Variants in ERC1 observed in about 807,000 individuals in gnomAD.
The protein encoded by ERC1 is RAB6 interacting protein 2.
ERC1 carries 56 observed loss-of-function variants against 132.0 expected under a neutral mutation model. The observed-to-expected ratio is 0.42, with a 90% CI of 0.34 to 0.53. The LOEUF is 0.53. ERC1 is among the 20% of genes least tolerant of loss of function. The pLI is 0.03. For missense variants in ERC1, 1,202 were observed against 1,349.9 expected (o/e 0.89, Z 1.72); for synonymous variants, 478 against 476.1 (o/e 1.00, Z -0.05).
intron 12 of ERC1, among the ~76,000 whole-genome samples, chr12:1,190,777 T>C (rs1179852590): frequency 6.6e-6 from 1 of 152,146 alleles, no homozygotes; most frequent in Non-Finnish European, 1.5e-5. Flanking sequence ...CAGAAACAAC[T>C]CTGCCGGTAG....
upstream of ERC1, chr12:990,598 G>T (rs544264147): frequency 4.1e-4 from 63 of 152,358 alleles, no homozygotes; most frequent in African/African-American, 1.4e-3. Context: ...GGTCCTCGGC[G>T]ATGCCCGTGT....
intron 18 of ERC1, among the ~76,000 whole-genome samples, chr12:1,485,871 A>T (rs2094207543): frequency 6.6e-6 from 1 of 152,242 alleles, no homozygotes; most frequent in Non-Finnish European, 1.5e-5. Flanking sequence ...TCCCAAGATT[A>T]TAAAAAATAT....
intron 12 of ERC1, among the ~76,000 whole-genome samples, chr12:1,201,578 G>T (rs1956919881): frequency 6.6e-6 from 1 of 152,072 alleles, no homozygotes; most frequent in Non-Finnish European, 1.5e-5. Flanking sequence ...CATCTCCTTG[G>T]CAAAATGGGC....
intron 2 of ERC1, among the ~76,000 whole-genome samples, chr12:1,031,550 C>G (rs1199773773): frequency 6.6e-6 from 1 of 152,140 alleles, no homozygotes; most frequent in Non-Finnish European, 1.5e-5. Context: ...AATCAGATTT[C>G]TAAGTAATTA....
At chr12:1,478,105 A>C (rs1042010790) in intron 18 of ERC1, among the ~76,000 whole-genome samples, 3 of 152,174 alleles carry the variant, frequency 2.0e-5, no homozygotes, top group African/African-American at 7.2e-5. Context: ...CTTGGCATTC[A>C]ACTTTAGTAG....
chr12:1,225,546 C>G (rs1327980128), intron 12 of ERC1, among the ~76,000 whole-genome samples: 1 of 151,442 alleles, frequency 6.6e-6, no homozygotes, highest in Non-Finnish European at 1.5e-5. Flanking sequence ...ATTGTTTTTT[C>G]TGAAACACGA....
intron 13 of ERC1, among the ~76,000 whole-genome samples, chr12:1,256,265 C>T (rs910996268): frequency 2.1e-5 from 3 of 140,314 alleles, no homozygotes; most frequent in Non-Finnish European, 4.5e-5. Context: ...TAAAATTAGA[C>T]TCTGTTTTTG....
intron 12 of ERC1, among the ~76,000 whole-genome samples, chr12:1,203,231 T>C (rs1957073905): frequency 6.6e-6 from 1 of 152,184 alleles, no homozygotes; most frequent in Non-Finnish European, 1.5e-5. Flanking sequence ...CTAATTTTTG[T>C]ATTTTTAGTA....
At chr12:1,140,331 C>T (rs1159377082) in intron 7 of ERC1, among the ~76,000 whole-genome samples, 1 of 152,170 alleles carries the variant, frequency 6.6e-6, no homozygotes, top group Non-Finnish European at 1.5e-5. Context: ...AGTTTAGATA[C>T]ACTACACATT....
rs889217100 is a variant in ERC1 at position 1,450,597 on chromosome 12, G to A, written c.3213+5847G>A. Reference sequence around the variant, plus strand: ...TTTAGCTCTCATGAATAGTGCTACCGTGAACACGGGTGTATAAATACCTTT... The same window carrying A: ...TTTAGCTCTCATGAATAGTGCTACCATGAACACGGGTGTATAAATACCTTT... On this transcript the variant is annotated intron_variant, in intron 18 of 18. Transcript: ENST00000360905. Among the ~76,000 whole-genome samples the A allele has an allele frequency of 3.9e-4, 59 of 152,156 alleles. 1 individual carries two copies. Among genetic ancestry groups the A allele is most frequent in the Non-Finnish European group, 7.3e-5 (5 of 68,036 alleles).
At chr12:1,323,423 G>A (rs2082246405) in intron 15 of ERC1, among the ~76,000 whole-genome samples, 1 of 152,088 alleles carries the variant, frequency 6.6e-6, no homozygotes. Flanking sequence ...GGGCACTTCT[G>A]TACACATGTG....
intron 14 of ERC1, among the ~76,000 whole-genome samples, chr12:1,288,861 A>C (rs2079213570): frequency 6.6e-6 from 1 of 152,156 alleles, no homozygotes; most frequent in Admixed American, 6.5e-5. Context: ...AAAATGAACA[A>C]GTTTATTTAA....
chr12:1,250,763 T>G (rs1368101270), intron 13 of ERC1, among the ~76,000 whole-genome samples: 1 of 152,168 alleles, frequency 6.6e-6, no homozygotes, highest in East Asian at 1.9e-4. Flanking sequence ...TTTAGTCACG[T>G]CCTAATAATG....
intron 1 of ERC1, among the ~76,000 whole-genome samples, chr12:1,011,778 C>A (rs2154139294): frequency 6.6e-6 from 1 of 152,156 alleles, no homozygotes; most frequent in East Asian, 1.9e-4. Context: ...GAAACCCTGT[C>A]TCCCCTAAAA....
chr12:1,417,216 C>G (rs2092160454), intron 17 of ERC1, among the ~76,000 whole-genome samples: 1 of 152,154 alleles, frequency 6.6e-6, no homozygotes, highest in Non-Finnish European at 1.5e-5. Flanking sequence ...TCACTGTTTT[C>G]CAGAGGGTTC....
chr12:1,310,962 G>A (rs916269667), intron 15 of ERC1, among the ~76,000 whole-genome samples: 2 of 152,330 alleles, frequency 1.3e-5, no homozygotes, highest in South Asian at 2.1e-4. Context: ...AGAGCAGAAG[G>A]GGCTGAACTG....
intron 2 of ERC1, among the ~76,000 whole-genome samples, chr12:1,048,898 C>T (rs746413139): frequency 2.0e-5 from 3 of 152,190 alleles, no homozygotes. Flanking sequence ...CTTGTGATTG[C>T]ATATGCTTTG....
At chr12:1,378,097 A>C (rs1268454569) in intron 16 of ERC1, among the ~76,000 whole-genome samples, 1 of 152,184 alleles carries the variant, frequency 6.6e-6, no homozygotes, top group African/African-American at 2.4e-5. Context: ...AAGAATATAA[A>C]TATATTGTTT....
At chr12:1,176,566 G>C (rs74697487) in intron 8 of ERC1, among the ~76,000 whole-genome samples, 4,408 of 148,294 alleles carry the variant, frequency 0.03, 217 homozygotes, top group African/African-American at 0.1. Flanking sequence ...TGTTTTCTTT[G>C]TTTTTTTTTT....
Sources: gnomAD v4.1 joint callset for allele counts (sites outside exome capture counted in the v4.1 genomes callset) on GRCh38, gnomAD v4.1.1 for gene constraint, MANE v1.5 for transcripts, NCBI Gene and HGNC (gene_info 2026-07-23, HGNC 2026-07-21) for gene names.